ELMOD1: variants seen among roughly 807,000 people sequenced by gnomAD.
The protein encoded by ELMOD1 is ELMO domain containing 1, also known as ELMO domain-containing protein 1.
Under a neutral mutation model 46.7 loss-of-function variants are expected in ELMOD1, and 21 were observed. That is an observed-to-expected ratio of 0.45 (90% confidence interval 0.32 to 0.65). The LOEUF (loss-of-function observed/expected upper bound fraction) is 0.65. ELMOD1 is among the 30% of genes least tolerant of loss of function. ELMOD1 has a pLI of 0.04. For missense variants in ELMOD1, 348 were observed against 407.8 expected (o/e 0.85, Z 1.26); for synonymous variants, 122 against 138.2 (o/e 0.88, Z 0.82).
chr11:107,622,472 A>G (rs78531731), intron 2 of ELMOD1, among the ~76,000 whole-genome samples: 1 of 152,352 alleles, frequency 6.6e-6, no homozygotes, highest in East Asian at 1.9e-4. Context: ...AGAATCGGAT[A>G]AAAATATCTT....
chr11:107,663,151 G>A (rs1428987376), intron 11 of ELMOD1, among the ~76,000 whole-genome samples: 1 of 152,158 alleles, frequency 6.6e-6, no homozygotes, highest in Non-Finnish European at 1.5e-5. Context: ...GAGAGACAGA[G>A]GAGATGGCTT....
chr11:107,623,430 G>A (rs767131744), intron 2 of ELMOD1: 3 of 152,186 alleles, frequency 2.0e-5, no homozygotes, highest in Admixed American at 6.5e-5. Context: ...CCACTTCACT[G>A]TTTGTTAAGC....
chr11:107,633,411 G>A (rs565950329), intron 5 of ELMOD1, among the ~76,000 whole-genome samples: 5 of 152,106 alleles, frequency 3.3e-5, no homozygotes, highest in Admixed American at 1.3e-4. Context: ...TAAAAATTAC[G>A]ACAGAGAAAA....
At chr11:107,645,366 C>G (rs1866410744) in intron 6 of ELMOD1, among the ~76,000 whole-genome samples, 1 of 152,034 alleles carries the variant, frequency 6.6e-6, no homozygotes, top group African/African-American at 2.4e-5. Context: ...CTCTTGTGCC[C>G]AGGCAGGAGT....
chr11:107,662,168 G>GTC (rs1031997557), intron 11 of ELMOD1, among the ~76,000 whole-genome samples: 5 of 151,990 alleles, frequency 3.3e-5, no homozygotes, highest in Non-Finnish European at 5.9e-5. Context: ...TAGAGACAGA[G>GTC]TCTCTCTCTC....
In ELMOD1 at chr11:107,654,216, C is replaced by T; in HGVS notation, c.692C>T (p.Ala231Val). 6.3e-7 allele frequency: 1 copy of T among 1,591,020 alleles called. No homozygotes were observed. The highest frequency in any genetic ancestry group is 8.6e-7 in the Non-Finnish European group (1 of 1,167,926). Residue 231 changes from alanine to valine, a missense_variant, in exon 10 of 12, where the codon GCA becomes GTA. By Grantham distance (64) the Ala-to-Val change is moderately conservative. Transcript: ENST00000265840. ...AEWEKKRMDK[A>V]IGYSFAIVGI... ...TGGGAGAAGAAAAGGATGGATAAGG[C>T]AATTGGGTGAGTATGGGATCTCACA...
At chr11:107,653,512 G>GT (rs1555069207) in intron 9 of ELMOD1, 2 of 151,944 alleles carry the variant, frequency 1.3e-5, no homozygotes, top group Non-Finnish European at 2.9e-5. Flanking sequence ...TTGGGACAGA[G>GT]TTTTTAAAAC....
chr11:107,663,966 A>T (rs1465213785), intron 11 of ELMOD1, among the ~76,000 whole-genome samples: 1 of 152,064 alleles, frequency 6.6e-6, no homozygotes, highest in Non-Finnish European at 1.5e-5. Context: ...AAAATTTTGC[A>T]TAATCTTTGT....
intron 1 of ELMOD1, among the ~76,000 whole-genome samples, chr11:107,598,020 G>A (rs1439000566): frequency 1.3e-5 from 2 of 152,122 alleles, no homozygotes; most frequent in Admixed American, 6.5e-5. Flanking sequence ...TCATTACTCT[G>A]CATTGTGTTT....
At chr11:107,632,529 C>T (rs1163512798) in intron 5 of ELMOD1, among the ~76,000 whole-genome samples, 1 of 152,168 alleles carries the variant, frequency 6.6e-6, no homozygotes, top group African/African-American at 2.4e-5. Context: ...GGGCTCATCA[C>T]AAAACCTCCA....
intron 1 of ELMOD1, among the ~76,000 whole-genome samples, chr11:107,604,847 T>C (rs1194945075): frequency 6.6e-6 from 1 of 152,218 alleles, no homozygotes; most frequent in Non-Finnish European, 1.5e-5. Flanking sequence ...AGGGTTAGCA[T>C]TGCCTTAAGA....
chr11:107,660,961 C>T (rs930065816), intron 11 of ELMOD1, among the ~76,000 whole-genome samples: 4 of 152,260 alleles, frequency 2.6e-5, no homozygotes, highest in Middle Eastern at 3.4e-3. Context: ...ATTTGTTCAT[C>T]GGCAGATGAG....
At chr11:107,641,039 A>G (rs1041706281) in intron 6 of ELMOD1, among the ~76,000 whole-genome samples, 9 of 152,072 alleles carry the variant, frequency 5.9e-5, no homozygotes, top group Non-Finnish European at 8.8e-5. Context: ...AATATTTCTA[A>G]CAGGCACTTT....
At chr11:107,594,937 T>G (rs898821015) in intron 1 of ELMOD1, among the ~76,000 whole-genome samples, 1 of 152,204 alleles carries the variant, frequency 6.6e-6, no homozygotes, top group Non-Finnish European at 1.5e-5. Flanking sequence ...ATGCAGTTAA[T>G]TCCAAAAAAC....
In ELMOD1 at chr11:107,602,676, GT is replaced by G. The variant is rs553106850; in HGVS notation, c.-86+11271del. On this transcript the variant is annotated intron_variant, in intron 1 of 11. Transcript: ENST00000265840. ...TTCTTTTATCTATGAAAATTATGAT[GT>G]TTTAATAGTTTTCTTGTCTTTGCAT... 4.7e-5 allele frequency among the ~76,000 whole-genome samples: 7 copies of G among 147,750 alleles called. No individual in the cohort carries two copies. In the East Asian group the frequency reaches 1.2e-3, roughly 25 times the overall value.
intron 11 of ELMOD1, among the ~76,000 whole-genome samples, chr11:107,656,703 T>A (rs1021486606): frequency 2.6e-5 from 4 of 152,104 alleles, no homozygotes; most frequent in Non-Finnish European, 5.9e-5. Context: ...TGTATCCCCT[T>A]CTGGTCTGAC....
chr11:107,607,697 A>C (rs1181743389), intron 1 of ELMOD1, among the ~76,000 whole-genome samples: 1 of 152,148 alleles, frequency 6.6e-6, no homozygotes, highest in Admixed American at 6.6e-5. Flanking sequence ...GATATAGGAC[A>C]AATGGTATTG....
At chr11:107,640,518 G>A (rs1198763100) in intron 6 of ELMOD1, among the ~76,000 whole-genome samples, 1 of 151,706 alleles carries the variant, frequency 6.6e-6, no homozygotes, top group East Asian at 1.9e-4. Context: ...CATACCCTCG[G>A]TATACTACGA....
chr11:107,628,159 G>T (rs1193400680), intron 2 of ELMOD1, among the ~76,000 whole-genome samples: 2 of 145,888 alleles, frequency 1.4e-5, no homozygotes, highest in Non-Finnish European at 3.0e-5. Context: ...AAGCTGAGGG[G>T]TTTTTTTGTT....
Sources: gnomAD v4.1 joint callset for allele counts (sites outside exome capture counted in the v4.1 genomes callset) on GRCh38, gnomAD v4.1.1 for gene constraint, MANE v1.5 for transcripts, NCBI Gene and HGNC (gene_info 2026-07-23, HGNC 2026-07-21) for gene names.